Variants in MARF1 observed in about 807,000 individuals in gnomAD.
MARF1 encodes meiosis regulator and mRNA stability factor 1.
A neutral mutation model predicts 168.2 loss-of-function variants in MARF1; 24 were observed. That is an observed-to-expected ratio of 0.14 (90% CI 0.10 to 0.20). The LOEUF (loss-of-function observed/expected upper bound fraction) is 0.20. MARF1 is among the 10% of genes least tolerant of loss of function. MARF1 has a pLI of 1.00. For synonymous variants in MARF1, 868 were observed against 822.4 expected, an observed-to-expected ratio of 1.06 and a Z score of -0.95; for missense variants, 1,744 against 2,143.6, an observed-to-expected ratio of 0.81 and a Z score of 3.68.
chr16:15,597,815 A>G (rs62036884), intron 26 of MARF1, among the ~76,000 whole-genome samples: 8,049 of 151,928 alleles, frequency 0.053, 249 homozygotes, highest in Non-Finnish European at 0.078. Flanking sequence ...ACGAGCTAAC[A>G]TCAATGTGCC....
chr16:15,600,118 C>A lies in MARF1; in HGVS notation c.4813+310G>T, dbSNP rs182850827. The stretch of plus-strand genomic sequence containing the variant: ...GCTCTCTCTCCCCTGTTGCAAGTGT[C>A]ATGAATATCCATTATAATAAGTGTC... On this transcript the variant is annotated intron_variant, in intron 25 of 26. Transcript: ENST00000396368. Among the ~76,000 whole-genome samples the A allele has an allele frequency of 1.2e-4, 18 of 152,280 alleles. No homozygotes were observed. The East Asian group carries it at 3.5e-3, about 29-fold the overall frequency.
Position 15,608,526 on chromosome 16 carries a change from AAC to A in MARF1, c.3955-10_3955-9del, listed in dbSNP as rs894563374. ...TTCTCCACATTCCAATACCTTTGAAAACACACGGGGGGAGGAAAGGGAAAATA... is the reference window on the plus strand; with the variant it reads ...TTCTCCACATTCCAATACCTTTGAAAACACGGGGGGAGGAAAGGGAAAATA... On this transcript the variant is annotated splice_polypyrimidine_tract_variant and intron_variant, in intron 20 of 26. Coordinates refer to ENST00000396368, the MANE Select transcript of MARF1 (RefSeq NM_014647.4). 1.9e-6 allele frequency: 3 copies of A among 1,595,906 alleles called. No homozygotes were observed. In the African/African-American group the frequency reaches 4.0e-5, roughly 21 times the overall value.
chr16:15,596,980 TA>T, intron 26 of MARF1, 43 bp from the exon 27 acceptor site: 1 of 1,547,526 alleles, frequency 6.5e-7, no homozygotes, highest in Non-Finnish European at 8.7e-7. Flanking sequence ...CCAGGAACTG[TA>T]AGAAGTGTGG....
chr16:15,612,429 A>T (rs2033652809), intron 17 of MARF1, 128 bp downstream of exon 17: 1 of 794,840 alleles, frequency 1.3e-6, no homozygotes, highest in African/African-American at 1.7e-5. Context: ...CCCTCTGAAG[A>T]AAGTTTTTAG....
rs1004744645 is a variant in MARF1 at position 15,639,322 on chromosome 16, T to A, written c.-58-31A>T. 2.1e-6 allele frequency: 3 copies of A among 1,428,286 alleles called. No individual in the cohort carries two copies. The Admixed American group carries it at 6.5e-5, about 31-fold the overall frequency. The allele number at this position is 1,428,286 out of a possible 1,614,324, so 88.5% of individuals were successfully genotyped here. ...AAGAATGAGTAAGATTTCAGTGTTA[T>A]TTCCTTGCATAAGTACAAATTTTAC... On this transcript the variant is annotated intron_variant, in intron 1 of 26. Transcript: ENST00000396368.
At chr16:15,602,246 G>C (rs762153511) in intron 22 of MARF1, 43 bp from the exon 23 acceptor site, 1 of 1,540,410 alleles carries the variant, frequency 6.5e-7, no homozygotes, top group Admixed American at 1.7e-5. Flanking sequence ...TTAGTGACTG[G>C]CCCTGCCCCG....
chr16:15,626,989 AGAAG>A (rs1596486696), intron 7 of MARF1, among the ~76,000 whole-genome samples: 1 of 151,110 alleles, frequency 6.6e-6, no homozygotes, highest in East Asian at 1.9e-4. Flanking sequence ...AAAGAAAGAA[AGAAG>A]GAAGTAGAAC....
rs1232908793 is a variant in MARF1 at position 15,620,439 on chromosome 16, T to C, written c.2720+12A>G. ...GTACTGACTGGATAAAGAAAAAATA[T>C]ACCTAACTTACTTTTTTTCATAGAT... On this transcript the variant is annotated intron_variant, in intron 13 of 26. Transcript: ENST00000396368. 1.9e-6 allele frequency: 3 copies of C among 1,578,108 alleles called. No individual in the cohort carries two copies. Among genetic ancestry groups the C allele is most frequent in the Non-Finnish European group, 2.6e-6 (3 of 1,148,728 alleles).
rs533238391 is a variant in MARF1, at chr16:15,624,747, T to C, written c.2270+22A>G. The C allele has an allele frequency of 1.6e-5, 26 of 1,607,740 alleles. No homozygotes were observed. The East Asian group carries it at 2.5e-4, about 15-fold the overall frequency. On this transcript the variant is annotated intron_variant, in intron 10 of 26. Transcript: ENST00000396368. ...TTCCTATTACATGTAACCACCCCCA[T>C]GGGTCAAGAAGCTGGACTCACCTAG...
In MARF1 at chr16:15,596,789, G is replaced by A. The variant is rs2031737454; in HGVS notation, c.5133C>T (p.Leu1711=). 6.2e-7 allele frequency: 1 copy of A among 1,614,122 alleles called. No homozygotes were observed. Among genetic ancestry groups the A allele is most frequent in the South Asian group, 1.1e-5 (1 of 91,078 alleles). Residue 1711 remains leucine (L), a synonymous_variant, in exon 27 of 27, where the codon CTC becomes CTT. Transcript: ENST00000396368. ...CCGGGCTTTCCACGGGGTCCTTGCT[G>A]AGCAGTGACTCGGAGGTTTCCGAGG... ...CPSSETSESL[L]SKDPVESPAK...
intron 26 of MARF1, 39 bp from the exon 27 acceptor site, chr16:15,596,976 A>C: frequency 6.4e-7 from 1 of 1,558,482 alleles, no homozygotes; most frequent in South Asian, 1.2e-5. Context: ...AGATCCAGGA[A>C]CTGTAAGAAG....
At position 15,635,726 on chromosome 16, in the gene MARF1, G is replaced by C. The variant is rs776078430; in HGVS notation, c.761C>G (p.Ser254Cys). 3 of 1,614,206 alleles carry C rather than the reference G, an allele frequency of 1.9e-6. No individual in the cohort carries two copies. The highest frequency in any genetic ancestry group is 4.5e-5 in the East Asian group (2 of 44,890). Residue 254 changes from serine (S) to cysteine (C), a missense_variant, in exon 3 of 27, where the codon TCT (serine) becomes TGT (cysteine). Transcript: ENST00000396368. ...CGGAGGTACCACATTAAGGTGCAAAGAGTTGGTGCACAAGTGAGGCGTTAG... is the reference window on the plus strand; with the variant it reads ...CGGAGGTACCACATTAAGGTGCAAACAGTTGGTGCACAAGTGAGGCGTTAG... The part of the protein sequence containing the change: ...SELTPHLCTN[S>C]LHLNVVPPVC...
At position 15,607,005 on chromosome 16, in the gene MARF1, A is replaced by G. The variant is rs1596448660; in HGVS notation, c.4182+1286T>C. Among the ~76,000 whole-genome samples the G allele has an allele frequency of 2.6e-5, 4 of 152,116 alleles. No individual in the cohort carries two copies. In the South Asian group the frequency reaches 8.3e-4, roughly 32 times the overall value. ...TTCTGTCTACACAACCAACACTGCC[A>G]CTGACCTGGCCAGCAGCACCGACTC... On this transcript the variant is annotated intron_variant, in intron 21 of 26. Transcript: ENST00000396368.
At position 15,623,021 on chromosome 16, in the gene MARF1, A is replaced by T; in HGVS notation, c.2373T>A (p.Ala791=). The T allele has an allele frequency of 6.2e-7, 1 of 1,611,438 alleles. No homozygotes were observed. The highest frequency in any genetic ancestry group is 8.5e-7 in the Non-Finnish European group (1 of 1,177,702). Residue 791 remains alanine (A), a synonymous_variant, in exon 11 of 27, where the codon GCT becomes GCA. Coordinates refer to ENST00000396368, the MANE Select transcript of MARF1 (RefSeq NM_014647.4). ...AGTCTATGTTGCTGACTTGGACATC[A>T]GCACCATTTGCAAATGGGTCTGGGC... is the stretch of plus-strand genomic sequence containing the variant. The part of the protein sequence containing the change: ...ADCPDPFANG[A]DVQVSNIDYR...
chr16:15,619,992 T>C (rs749378042), intron 13 of MARF1, among the ~76,000 whole-genome samples: 1 of 152,102 alleles, frequency 6.6e-6, no homozygotes, highest in African/African-American at 2.4e-5. Context: ...GGCGAAACCC[T>C]GTCTCTACTA....
chr16:15,632,409 T>C (rs745608170), intron 5 of MARF1, among the ~76,000 whole-genome samples: 1 of 152,212 alleles, frequency 6.6e-6, no homozygotes, highest in Non-Finnish European at 1.5e-5. Context: ...CTGGAAGCCA[T>C]AGTTTTTAGT....
intron 21 of MARF1, among the ~76,000 whole-genome samples, chr16:15,604,773 AG>A (rs1417828552): frequency 1.3e-5 from 2 of 152,028 alleles, no homozygotes; most frequent in Non-Finnish European, 2.9e-5. Flanking sequence ...CTGTGCTCGA[AG>A]GGGGGTAGGG....
At chr16:15,601,172 G>C (rs2032385067) in intron 23 of MARF1, 1 of 441,456 alleles carries the variant, frequency 2.3e-6, no homozygotes, top group East Asian at 7.0e-5. Flanking sequence ...TAGTAGTGGA[G>C]CTAGGCTCCC....
chr16:15,612,411 T>G, intron 17 of MARF1, 146 bp downstream of exon 17: 2 of 693,874 alleles, frequency 2.9e-6, no homozygotes, highest in East Asian at 2.6e-5. Flanking sequence ...CTGTGTGTGT[T>G]ATTCCTGCCC....
Sources: gnomAD v4.1 joint callset for allele counts (sites outside exome capture counted in the v4.1 genomes callset) on GRCh38, gnomAD v4.1.1 for gene constraint, MANE v1.5 for transcripts, NCBI Gene and HGNC (gene_info 2026-07-23, HGNC 2026-07-21) for gene names.